Variants in DCAF8L2 observed in about 807,000 individuals in gnomAD.
The protein encoded by DCAF8L2 is DDB1- and CUL4-associated factor 8-like protein 2.
For synonymous variants in DCAF8L2, 200 were observed against 190.9 expected, an observed-to-expected ratio of 1.05 and a Z score of -0.39; for missense variants, 430 against 490.7, an observed-to-expected ratio of 0.88 and a Z score of 1.17.
chrX:27,547,569 T>C, the DCAF8L2 span, among the ~76,000 whole-genome samples: 1 of 110,303 alleles, frequency 9.1e-6, no homozygotes, highest in Admixed American at 9.6e-5. Context: ...AGCAAGCCCA[T>C]CTTACATGGC....
chrX:27,547,545 A>C, the DCAF8L2 span, among the ~76,000 whole-genome samples: 2 of 112,059 alleles, frequency 1.8e-5, no homozygotes, highest in Non-Finnish European at 3.8e-5. Flanking sequence ...ACTTACAATC[A>C]TGGCAGAAGA....
chrX:27,533,948 C>A, the DCAF8L2 span, among the ~76,000 whole-genome samples: 19 of 112,024 alleles, frequency 1.7e-4, no homozygotes, highest in African/African-American at 5.8e-4. Context: ...GTGGCTCAGG[C>A]CTGTAATCCC....
At chrX:27,482,354 C>T in the DCAF8L2 span, among the ~76,000 whole-genome samples, 1 of 111,445 alleles carries the variant, frequency 9.0e-6, no homozygotes, top group East Asian at 2.8e-4. Context: ...TAATTCCAAA[C>T]TTAAGTGCTC....
chrX:27,553,710 G>T, the DCAF8L2 span, among the ~76,000 whole-genome samples: 4 of 111,320 alleles, frequency 3.6e-5, no homozygotes, highest in Admixed American at 9.6e-5. Flanking sequence ...TACATTCAAG[G>T]TTATTGATAG....
At chrX:27,572,760 G>A in the DCAF8L2 span, among the ~76,000 whole-genome samples, 1 of 111,353 alleles carries the variant, frequency 9.0e-6, no homozygotes, top group Non-Finnish European at 1.9e-5. Context: ...TATTTATTAA[G>A]AGTCCTGTGA....
At chrX:27,689,456 G>C (rs929505569) in intron 3 of DCAF8L2, among the ~76,000 whole-genome samples, 3 of 112,234 alleles carry the variant, frequency 2.7e-5, no homozygotes, top group African/African-American at 9.7e-5. Context: ...TGTTGGTCAG[G>C]CTGGTCTCGA....
the DCAF8L2 span, among the ~76,000 whole-genome samples, chrX:27,558,367 G>A: frequency 9.0e-6 from 1 of 111,260 alleles, no homozygotes; most frequent in Admixed American, 9.6e-5. Flanking sequence ...TTTGTCCCTG[G>A]GGAAATTGTG....
At chrX:27,624,825 C>T (rs1266369275) in intron 1 of DCAF8L2, among the ~76,000 whole-genome samples, 1 of 111,302 alleles carries the variant, frequency 9.0e-6, no homozygotes, top group Non-Finnish European at 1.9e-5. Flanking sequence ...AAATTGATCC[C>T]TTCCTTGCAC....
intron 3 of DCAF8L2, among the ~76,000 whole-genome samples, chrX:27,714,475 C>T (rs1931629692): frequency 9.0e-6 from 1 of 111,116 alleles, no homozygotes; most frequent in Admixed American, 9.6e-5. Flanking sequence ...CAATTTCTTT[C>T]CCAGCCATTT....
intron 4 of DCAF8L2, among the ~76,000 whole-genome samples, chrX:27,739,604 A>G (rs762124279): frequency 2.7e-5 from 3 of 111,647 alleles, no homozygotes; most frequent in Non-Finnish European, 5.6e-5. Flanking sequence ...ATTTATATCT[A>G]TATTTATAAT....
chrX:27,642,403 AT>A (rs1208745325), intron 2 of DCAF8L2, among the ~76,000 whole-genome samples: 43 of 108,243 alleles, frequency 4.0e-4, no homozygotes, highest in Admixed American at 2.6e-3. Context: ...GAAAACAGCA[AT>A]TTTTTTTTTC....
In DCAF8L2 at chrX:27,747,445, C is replaced by G. The variant is rs1196396916; in HGVS notation, c.550C>G (p.Arg184Gly). The G allele has an allele frequency of 7.7e-6, 9 of 1,172,628 alleles. No individual in the cohort carries two copies. Among genetic ancestry groups the G allele is most frequent in the African/African-American group, 5.4e-5 (3 of 55,900 alleles). Reference sequence around the variant, plus strand: ...TTCCTCAGAGACATCTGCCCTGCCCCGACCTCGCTGGCAGGTCGTTACTGC... The same window carrying G: ...TTCCTCAGAGACATCTGCCCTGCCCGGACCTCGCTGGCAGGTCGTTACTGC... ...WVSSETSALP[R>G]PRWQVVTALH... Residue 184 changes from arginine to glycine, a missense_variant, in exon 5 of 5, where the codon CGA (arginine) becomes GGA (glycine). By Grantham distance (125) the Arg-to-Gly change is moderately radical (BLOSUM62 -2). Transcript: ENST00000451261.
At chrX:27,508,058 G>A in the DCAF8L2 span, among the ~76,000 whole-genome samples, 2 of 111,601 alleles carry the variant, frequency 1.8e-5, no homozygotes, top group Non-Finnish European at 3.8e-5. Context: ...AACTTTATAT[G>A]TGTTATACAA....
intron 3 of DCAF8L2, among the ~76,000 whole-genome samples, chrX:27,681,376 C>G (rs754726460): frequency 3.6e-5 from 4 of 111,598 alleles, no homozygotes; most frequent in African/African-American, 1.3e-4. Context: ...TATCTCTAGA[C>G]TGTGAGATAT....
chrX:27,647,941 T>G (rs1929004555), intron 2 of DCAF8L2, among the ~76,000 whole-genome samples: 1 of 111,740 alleles, frequency 8.9e-6, no homozygotes, highest in Non-Finnish European at 1.9e-5. Context: ...GTCCATAAAA[T>G]TCTATACCAC....
the DCAF8L2 span, among the ~76,000 whole-genome samples, chrX:27,500,919 C>T: frequency 9.0e-6 from 1 of 111,187 alleles, no homozygotes; most frequent in Non-Finnish European, 1.9e-5. Context: ...GTTTAAGATA[C>T]TTTTGATATG....
At chrX:27,697,040 T>C (rs1602746261) in intron 3 of DCAF8L2, among the ~76,000 whole-genome samples, 3 of 111,566 alleles carry the variant, frequency 2.7e-5, no homozygotes. Context: ...TTTTAACATA[T>C]TTTCTTTTAA....
rs1930714342 is a variant in DCAF8L2 at position 27,691,562 on chromosome X, C to T, written c.-143+13650C>T. ...TTCATTGAAACATCTATTTCTGTTT[C>T]TCTGTCCTATTTTCCTTAAAAGTGT... On this transcript the variant is annotated intron_variant, in intron 3 of 4. Coordinates refer to ENST00000451261, the MANE Select transcript of DCAF8L2 (RefSeq NM_001353450.2). 3.6e-5 allele frequency among the ~76,000 whole-genome samples: 4 copies of T among 111,756 alleles called. No individual in the cohort carries two copies. In the South Asian group the frequency reaches 1.5e-3, roughly 41 times the overall value.
At chrX:27,562,620 C>T in the DCAF8L2 span, among the ~76,000 whole-genome samples, 1 of 112,036 alleles carries the variant, frequency 8.9e-6, no homozygotes, top group African/African-American at 3.2e-5. Flanking sequence ...AGGGAGAAGT[C>T]AAACTGAAAT....
Sources: gnomAD v4.1 joint callset for allele counts (sites outside exome capture counted in the v4.1 genomes callset) on GRCh38, gnomAD v4.1.1 for gene constraint, MANE v1.5 for transcripts, NCBI Gene and HGNC (gene_info 2026-07-23, HGNC 2026-07-21) for gene names.